The following ABTB3 variants were observed in gnomAD, a reference collection of about 807,000 sequenced individuals.
ABTB3 encodes the protein ankyrin repeat and BTB domain containing 3, also known as ankyrin repeat- and BTB/POZ domain-containing protein 3.
the ABTB3 span, among the ~76,000 whole-genome samples, chr12:107,509,769 A>G: frequency 1.3e-5 from 2 of 152,220 alleles, no homozygotes; most frequent in African/African-American, 2.4e-5. Context: ...CCCACTGCCA[A>G]GTCTCTTAAA....
the ABTB3 span, among the ~76,000 whole-genome samples, chr12:107,653,500 G>C: frequency 6.7e-6 from 1 of 148,774 alleles, no homozygotes; most frequent in Admixed American, 6.8e-5. Flanking sequence ...CTGGGCGACA[G>C]AGCAAGACTC....
the ABTB3 span, among the ~76,000 whole-genome samples, chr12:107,349,628 A>T: frequency 9.9e-5 from 15 of 152,210 alleles, no homozygotes; most frequent in Middle Eastern, 3.4e-3. Flanking sequence ...TTTGATGAGA[A>T]GTTATGGAGA....
chr12:107,646,849 G>A, the ABTB3 span, among the ~76,000 whole-genome samples: 2 of 152,168 alleles, frequency 1.3e-5, no homozygotes, highest in Non-Finnish European at 1.5e-5. Context: ...GTGGTGGGGT[G>A]GAGATCTGAG....
the ABTB3 span, among the ~76,000 whole-genome samples, chr12:107,418,282 A>T: frequency 6.6e-6 from 1 of 152,232 alleles, no homozygotes; most frequent in Non-Finnish European, 1.5e-5. Context: ...GCCCTTGAAT[A>T]TCAGACTCCA....
At chr12:107,481,700 A>G in the ABTB3 span, among the ~76,000 whole-genome samples, 36 of 152,232 alleles carry the variant, frequency 2.4e-4, no homozygotes, top group Non-Finnish European at 3.8e-4. Context: ...AGTAACCAAA[A>G]CATCCAGGTT....
the ABTB3 span, among the ~76,000 whole-genome samples, chr12:107,440,578 C>T: frequency 9.2e-5 from 14 of 152,146 alleles, no homozygotes; most frequent in Admixed American, 2.0e-4. Context: ...TTTGTTCACG[C>T]GTTTTGATGC....
the ABTB3 span, among the ~76,000 whole-genome samples, chr12:107,538,527 C>T: frequency 6.6e-6 from 1 of 152,166 alleles, no homozygotes; most frequent in South Asian, 2.1e-4. Context: ...CAGGGAGCAG[C>T]TCTTTGAGCT....
the ABTB3 span, among the ~76,000 whole-genome samples, chr12:107,548,962 C>T: frequency 6.6e-6 from 1 of 152,182 alleles, no homozygotes; most frequent in African/African-American, 2.4e-5. Context: ...CCTAGGGTAA[C>T]TGTGAGCAGC....
the ABTB3 span, among the ~76,000 whole-genome samples, chr12:107,360,902 C>T: frequency 2.0e-5 from 3 of 150,864 alleles, no homozygotes; most frequent in African/African-American, 4.9e-5. Flanking sequence ...TATAGACATG[C>T]GCCACCATGC....
chr12:107,630,446 A>G, the ABTB3 span, among the ~76,000 whole-genome samples: 1 of 152,014 alleles, frequency 6.6e-6, no homozygotes, highest in Non-Finnish European at 1.5e-5. Context: ...TACTGCTTCC[A>G]TTATAATCAT....
the ABTB3 span, among the ~76,000 whole-genome samples, chr12:107,409,582 C>T: frequency 6.6e-6 from 1 of 152,210 alleles, no homozygotes; most frequent in East Asian, 1.9e-4. Flanking sequence ...GGAAGCCATC[C>T]TCAGCAAACT....
the ABTB3 span, among the ~76,000 whole-genome samples, chr12:107,640,099 A>T: frequency 1.3e-5 from 2 of 152,178 alleles, no homozygotes; most frequent in Non-Finnish European, 1.5e-5. Context: ...TTAATCACAA[A>T]TAAGCTATAA....
the ABTB3 span, among the ~76,000 whole-genome samples, chr12:107,417,737 C>T: frequency 2.0e-5 from 3 of 152,248 alleles, no homozygotes; most frequent in Admixed American, 6.5e-5. Context: ...TGTGCTCAGA[C>T]ATTGTGCTCG....
chr12:107,448,642 TTTC>T, the ABTB3 span, among the ~76,000 whole-genome samples: 7,412 of 148,100 alleles, frequency 0.05, 563 homozygotes, highest in African/African-American at 0.18. Flanking sequence ...TCTTTCTTTC[TTTC>T]TTTTTTTTTT....
chr12:107,535,120 T>C, the ABTB3 span, among the ~76,000 whole-genome samples: 1 of 152,122 alleles, frequency 6.6e-6, no homozygotes, highest in African/African-American at 2.4e-5. Flanking sequence ...ATCCTAGAAA[T>C]GCAAGGAAAT....
chr12:107,435,984 A>G, the ABTB3 span, among the ~76,000 whole-genome samples: 3 of 152,248 alleles, frequency 2.0e-5, no homozygotes, highest in African/African-American at 7.2e-5. Flanking sequence ...TAATTTAAGT[A>G]GCCATGCCTG....
chr12:107,642,573 G>A, the ABTB3 span, among the ~76,000 whole-genome samples: 1 of 152,170 alleles, frequency 6.6e-6, no homozygotes, highest in Admixed American at 6.5e-5. Flanking sequence ...GGTCTTATGA[G>A]CTAAAACATC....
chr12:107,334,473 T>C, the ABTB3 span, among the ~76,000 whole-genome samples: 2 of 152,124 alleles, frequency 1.3e-5, no homozygotes, highest in Non-Finnish European at 2.9e-5. Context: ...GGAGTTGTCT[T>C]AACTGAGACG....
chr12:107,585,062 C>T, the ABTB3 span, among the ~76,000 whole-genome samples: 1 of 151,758 alleles, frequency 6.6e-6, no homozygotes, highest in Non-Finnish European at 1.5e-5. Flanking sequence ...CTTATGTGTT[C>T]TTAATTACTG....
Sources: gnomAD v4.1 joint callset for allele counts (sites outside exome capture counted in the v4.1 genomes callset) on GRCh38, gnomAD v4.1.1 for gene constraint, MANE v1.5 for transcripts, NCBI Gene and HGNC (gene_info 2026-07-23, HGNC 2026-07-21) for gene names.